Variants in HEATR5A observed in about 807,000 individuals in gnomAD.
HEATR5A encodes the protein HEAT repeat-containing protein 5A.
In HEATR5A, 178 loss-of-function variants were observed where a neutral mutation model predicts 218.8. The observed-to-expected ratio is 0.81, with a 90% CI of 0.72 to 0.92. The LOEUF is 0.92. Ranked by LOEUF, HEATR5A falls within the 40% of genes least tolerant of loss-of-function variation. The pLI, the probability that HEATR5A is intolerant of heterozygous loss-of-function variation, is 0.00. For missense variants in HEATR5A, 2,420 were observed against 2,418.9 expected (o/e 1.00, Z -0.01); for synonymous variants, 864 against 871.6 (o/e 0.99, Z 0.15).
chr14:31,410,735 T>C (rs1385702840), intron 1 of HEATR5A, among the ~76,000 whole-genome samples: 1 of 152,228 alleles, frequency 6.6e-6, no homozygotes, highest in Non-Finnish European at 1.5e-5. Context: ...AAATCTTGTC[T>C]GTATCAATTC....
At chr14:31,320,684 C>A (rs542522224) in intron 25 of HEATR5A, 4 of 504,398 alleles carry the variant, frequency 7.9e-6, no homozygotes, top group South Asian at 6.1e-5. Flanking sequence ...CAGCTTCCCC[C>A]ACCCGGAAAA....
At chr14:31,405,798 A>T (rs1446273417) in intron 1 of HEATR5A, among the ~76,000 whole-genome samples, 2 of 152,002 alleles carry the variant, frequency 1.3e-5, no homozygotes, top group African/African-American at 4.8e-5. Flanking sequence ...CTGAAGAGAC[A>T]TTTTTTTTCC....
At chr14:31,336,719 A>G (rs982248473) in intron 22 of HEATR5A, among the ~76,000 whole-genome samples, 1 of 152,198 alleles carries the variant, frequency 6.6e-6, no homozygotes, top group Non-Finnish European at 1.5e-5. Flanking sequence ...AAACAGAGGC[A>G]GGTGTGATAA....
chr14:31,341,798 AT>A (rs1328109544), intron 21 of HEATR5A, among the ~76,000 whole-genome samples: 2 of 150,226 alleles, frequency 1.3e-5, no homozygotes, highest in African/African-American at 4.9e-5. Context: ...TAAAGGAGAA[AT>A]TTTATAGGTA....
Position 31,310,147 on chromosome 14 carries a change from C to T in HEATR5A, c.4442-965G>A, listed in dbSNP as rs191643490. On this transcript the variant is annotated intron_variant, in intron 28 of 35. Transcript: ENST00000543095. ...AATGTATGTATTCATTAATAACATA[C>T]GCTATTTTTTTTTGTGTTTAAACGT... 6.4e-3 allele frequency among the ~76,000 whole-genome samples: 965 copies of T among 151,328 alleles called. 48 individuals carry two copies. In the East Asian group the frequency reaches 0.12, roughly 19 times the overall value.
intron 25 of HEATR5A, chr14:31,320,171 G>T (rs1287155692): frequency 1.8e-6 from 1 of 541,610 alleles, no homozygotes. Flanking sequence ...CCCAGCACCA[G>T]GAATGGCGCG....
At chr14:31,363,925 T>C (rs573734782) in intron 14 of HEATR5A, among the ~76,000 whole-genome samples, 28 of 152,210 alleles carry the variant, frequency 1.8e-4, no homozygotes, top group African/African-American at 5.5e-4. Flanking sequence ...TGAGCCATGA[T>C]TGCATAACAC....
chr14:31,333,010 C>G (rs932646324), intron 22 of HEATR5A, among the ~76,000 whole-genome samples: 7 of 150,572 alleles, frequency 4.6e-5, no homozygotes, highest in Admixed American at 2.6e-4. Context: ...AAGTTCAAAT[C>G]AGCCACAACA....
rs1419002463 is a variant in HEATR5A, at chr14:31,296,050, G to T, written c.5478C>A (p.His1826Gln). 6.2e-7 allele frequency: 1 copy of T among 1,613,202 alleles called. No homozygotes were observed. Among genetic ancestry groups the T allele is most frequent in the Non-Finnish European group, 8.5e-7 (1 of 1,179,356 alleles). Residue 1826 changes from histidine to glutamine, a missense_variant, in exon 34 of 36, where the codon CAC (histidine) becomes CAA (glutamine). By Grantham distance (24) the His-to-Gln change is conservative (BLOSUM62 0). Coordinates refer to ENST00000543095, the MANE Select transcript of HEATR5A (RefSeq NM_015473.4). Reference sequence around the variant, plus strand: ...GTAGACTGACTTCATCAAGTTCTTGGTGTGTTTCATCAACTAAAGAGAAAT... The same window carrying T: ...GTAGACTGACTTCATCAAGTTCTTGTTGTGTTTCATCAACTAAAGAGAAAT... Reference protein sequence around the residue: ...LDCWDPVDETHQELDEVSLLT... With the variant: ...LDCWDPVDETQQELDEVSLLT...
intron 22 of HEATR5A, among the ~76,000 whole-genome samples, chr14:31,336,209 CATACATACATATATAT>C (rs71112401): frequency 0.093 from 5,335 of 57,468 alleles, 336 homozygotes; most frequent in Non-Finnish European, 0.11. Flanking sequence ...TTTATATATA[CATACATACATATATAT>C]ATATATATAT....
chr14:31,414,739 A>G (rs1263884383), intron 1 of HEATR5A, among the ~76,000 whole-genome samples: 1 of 152,076 alleles, frequency 6.6e-6, no homozygotes, highest in Non-Finnish European at 1.5e-5. Flanking sequence ...CTAATTGTTC[A>G]TGTCTCTTAC....
chr14:31,383,705 C>G lies in HEATR5A; in HGVS notation c.1412G>C (p.Trp471Ser). ...TGCCACGGCAATGCAGTGTAAACAC[C>G]AAGCTGCTGCTAGTCGAACAGAAAT... is the stretch of plus-strand genomic sequence containing the variant. The part of the protein sequence containing the change: ...PSISVRLAAA[W>S]CLHCIAVALP... Residue 471 changes from tryptophan to serine, a missense_variant, in exon 10 of 36, where the codon TGG becomes TCG. Coordinates refer to ENST00000543095, the MANE Select transcript of HEATR5A (RefSeq NM_015473.4). 6.2e-7 allele frequency: 1 copy of G among 1,613,736 alleles called. No individual in the cohort carries two copies. Among genetic ancestry groups the G allele is most frequent in the South Asian group, 1.1e-5 (1 of 91,086 alleles).
intron 6 of HEATR5A, among the ~76,000 whole-genome samples, 178 bp from the exon 7 acceptor site, chr14:31,389,183 A>C (rs1041590615): frequency 1.6e-4 from 25 of 152,246 alleles, no homozygotes; most frequent in African/African-American, 4.8e-4. Flanking sequence ...GTCAGAGGTC[A>C]AATCAGAATG....
Position 31,389,099 on chromosome 14 carries a change from A to G in HEATR5A, c.773-94T>C. The G allele has an allele frequency of 3.4e-6, 4 of 1,174,580 alleles. No homozygotes were observed. In the South Asian group the frequency reaches 6.1e-5, roughly 18 times the overall value. 72.8% of individuals were successfully genotyped at this position (1,174,580 alleles called of 1,614,324 possible). ...AAAAAGCATGTTAATAGAAACAAAAATAAACTAAAAATTCAAACAAAATGC... is the reference window on the plus strand; with the variant it reads ...AAAAAGCATGTTAATAGAAACAAAAGTAAACTAAAAATTCAAACAAAATGC... On this transcript the variant is annotated intron_variant, in intron 6 of 35. Transcript: ENST00000543095.
chr14:31,370,551 G>A (rs1227929824), intron 13 of HEATR5A, among the ~76,000 whole-genome samples: 1 of 152,138 alleles, frequency 6.6e-6, no homozygotes, highest in Admixed American at 6.5e-5. Context: ...TTCTGAAGTT[G>A]AACATAAAAA....
intron 11 of HEATR5A, 110 bp from the exon 12 acceptor site, chr14:31,375,078 A>G (rs996952225): frequency 1.3e-5 from 12 of 911,760 alleles, no homozygotes; most frequent in Non-Finnish European, 1.6e-5. Context: ...CATTATTGCA[A>G]CATTTTGTCC....
intron 1 of HEATR5A, among the ~76,000 whole-genome samples, chr14:31,409,763 T>C (rs1309928191): frequency 1.3e-5 from 2 of 152,194 alleles, no homozygotes; most frequent in Non-Finnish European, 2.9e-5. Context: ...TTAACTTCAA[T>C]TTTATTTAGG....
chr14:31,416,149 G>C (rs112477186), intron 1 of HEATR5A, among the ~76,000 whole-genome samples: 258 of 151,928 alleles, frequency 1.7e-3, no homozygotes, highest in African/African-American at 5.7e-3. Context: ...ATGGAGTCTC[G>C]CTCTGTCGCC....
chr14:31,396,869 A>G (rs2030674426), intron 4 of HEATR5A, among the ~76,000 whole-genome samples: 3 of 152,246 alleles, frequency 2.0e-5, no homozygotes, highest in South Asian at 4.1e-4. Context: ...CAACATTTTC[A>G]TAACTATAGA....
Sources: allele counts gnomAD v4.1 joint callset (sites outside exome capture counted in the v4.1 genomes callset), GRCh38; gene constraint gnomAD v4.1.1; transcripts MANE v1.5; gene names NCBI Gene and HGNC (gene_info 2026-07-23, HGNC 2026-07-21).